The following FHL2 variants were observed in gnomAD, a reference collection of about 807,000 sequenced individuals.
FHL2 encodes four and a half LIM domains 2, also known as four and a half LIM domains protein 2.
FHL2 carries 20 observed loss-of-function variants against 32.7 expected under a neutral mutation model. The ratio of observed to expected loss-of-function variants is 0.61; its 90% CI spans 0.43 to 0.89. The LOEUF (loss-of-function observed/expected upper bound fraction) is 0.89, where lower values mean the gene tolerates loss of function less well. Ranked by LOEUF, FHL2 falls within the 40% of genes least tolerant of loss-of-function variation. The probability of loss-of-function intolerance (pLI) is 0.00; values close to 1 mark genes in which losing one functional copy is unlikely to be tolerated. For synonymous variants in FHL2, 123 were observed against 128.1 expected (o/e 0.96, Z 0.27); for missense variants, 311 against 358.6 (o/e 0.87, Z 1.07).
chr2:105,398,924 A>G lies in FHL2; in HGVS notation c.-158T>C, dbSNP rs1459755104. Reference sequence around the variant, plus strand: ...CCCCACTTCCGAGCCCTGGTGGCTAAGCCCCTCGGCCTCCCTCCGGGGCGC... The same window carrying G: ...CCCCACTTCCGAGCCCTGGTGGCTAGGCCCCTCGGCCTCCCTCCGGGGCGC... On this transcript the variant is annotated 5_prime_UTR_variant, in exon 1 of 7. Coordinates refer to ENST00000530340, the MANE Select transcript of FHL2 (RefSeq NM_001318895.3). The G allele has an allele frequency of 6.5e-7, 1 of 1,540,436 alleles. No homozygotes were observed. Among genetic ancestry groups the G allele is most frequent in the South Asian group, 1.2e-5 (1 of 81,406 alleles).
At chr2:105,364,274 CA>C (rs1162500516) in intron 5 of FHL2, among the ~76,000 whole-genome samples, 1 of 151,292 alleles carries the variant, frequency 6.6e-6, no homozygotes, top group Admixed American at 6.6e-5. Flanking sequence ...CAAAACAAAA[CA>C]AAACAAAAAC....
chr2:105,397,896 TTG>T, intron 1 of FHL2, among the ~76,000 whole-genome samples: 1 of 151,734 alleles, frequency 6.6e-6, no homozygotes, highest in Admixed American at 6.5e-5. Flanking sequence ...TTGTTTTTTT[TTG>T]TCTAAAACAT....
At chr2:105,388,580 T>C (rs922332096) in intron 2 of FHL2, among the ~76,000 whole-genome samples, 3 of 151,430 alleles carry the variant, frequency 2.0e-5, no homozygotes, top group African/African-American at 7.3e-5. Flanking sequence ...CCCAGCACTT[T>C]GGGAGGCCGA....
chr2:105,410,532 C>T (rs538590447), intron 1 of FHL2, among the ~76,000 whole-genome samples: 1 of 152,280 alleles, frequency 6.6e-6, no homozygotes, highest in South Asian at 2.1e-4. Context: ...AAGCTACCTA[C>T]TAGCAGATTT....
At chr2:105,365,108 A>G (rs1203645507) in intron 5 of FHL2, among the ~76,000 whole-genome samples, 1 of 152,052 alleles carries the variant, frequency 6.6e-6, no homozygotes, top group African/African-American at 2.4e-5. Flanking sequence ...AGCTAACTCA[A>G]TGCCTCTGAG....
intron 1 of FHL2, among the ~76,000 whole-genome samples, chr2:105,436,669 A>G (rs1164964508): frequency 6.6e-6 from 1 of 152,166 alleles, no homozygotes; most frequent in Non-Finnish European, 1.5e-5. Flanking sequence ...AAAAAAACGA[A>G]TATTAAGTTA....
chr2:105,390,350 G>A (rs1219456004), intron 2 of FHL2: 1 of 152,470 alleles, frequency 6.6e-6, no homozygotes, highest in East Asian at 1.9e-4. Flanking sequence ...TCAGTGATAT[G>A]ATGAATATCA....
chr2:105,421,713 C>T (rs1324466883), intron 1 of FHL2, among the ~76,000 whole-genome samples: 1 of 152,200 alleles, frequency 6.6e-6, no homozygotes, highest in African/African-American at 2.4e-5. Context: ...CTCAGTTATA[C>T]TATGGCTTGC....
upstream of FHL2, among the ~76,000 whole-genome samples, chr2:105,399,963 C>A (rs79329427): frequency 3.2e-3 from 487 of 152,210 alleles, 4 homozygotes; most frequent in East Asian, 0.012. Context: ...CCAGAGAAGG[C>A]GGGAAGAACT....
At chr2:105,365,854 AAAAC>A (rs1248069074) in intron 5 of FHL2, among the ~76,000 whole-genome samples, 4 of 152,094 alleles carry the variant, frequency 2.6e-5, no homozygotes, top group Non-Finnish European at 5.9e-5. Flanking sequence ...AAAAAAGAAA[AAAAC>A]AGAAGCATAA....
At chr2:105,399,361 G>C, upstream of FHL2, 1 of 1,535,982 alleles carries the variant, frequency 6.5e-7, no homozygotes, top group Non-Finnish European at 8.7e-7. Context: ...GTCTGCCCAC[G>C]CCGGGATCTC....
At position 105,396,784 on chromosome 2, in the gene FHL2, A is replaced by G. The variant is rs561419968; in HGVS notation, c.-75-87T>C. The G allele has an allele frequency of 1.9e-4, 223 of 1,160,154 alleles. No individual in the cohort carries two copies. In the East Asian group the frequency reaches 5.1e-3, roughly 27 times the overall value. The allele number at this position is 1,160,154 out of a possible 1,614,324, so 71.9% of individuals were successfully genotyped here. On this transcript the variant is annotated intron_variant, in intron 1 of 6. Transcript: ENST00000530340. ...TGCAACTTGAGATGGACACTTAATA[A>G]ATGTGGCTTTGATCAAATTCTCATA...
rs76353320 is a variant in FHL2 at position 105,411,222 on chromosome 2, G to A, written c.-24-24682C>T. On this transcript the variant is annotated intron_variant, in intron 1 of 5. Coordinates refer to the FHL2 transcript ENST00000393352. The stretch of plus-strand genomic sequence containing the variant: ...ATTAAGGCAGACTGACACCCACTGC[G>A]TCCTAAACTGTAGATGCATTAAAGG... Among the ~76,000 whole-genome samples, 1,233 of 152,188 alleles carry A rather than the reference G, an allele frequency of 8.1e-3. 16 individuals are homozygous for A. The highest frequency in any genetic ancestry group is 0.027 in the African/African-American group (1,131 of 41,510).
intron 1 of FHL2, 113 bp downstream of exon 1, chr2:105,398,729 C>T (rs1449490133): frequency 3.6e-6 from 3 of 844,490 alleles, no homozygotes; most frequent in Non-Finnish European, 3.3e-6. Flanking sequence ...GTTCGGCTCT[C>T]CTCTCCCGGG....
At chr2:105,399,157 C>T, upstream of FHL2, 1 of 1,363,000 alleles carries the variant, frequency 7.3e-7, no homozygotes, top group Non-Finnish European at 9.4e-7. Flanking sequence ...GCGCGGGGGG[C>T]GGGCGCCCCC....
intron 3 of FHL2, among the ~76,000 whole-genome samples, chr2:105,384,528 GAC>G (rs1295182357): frequency 1.3e-5 from 2 of 152,048 alleles, no homozygotes; most frequent in Non-Finnish European, 2.9e-5. Flanking sequence ...TCTTTTTTGA[GAC>G]AGAGTCTTAC....
chr2:105,367,515 A>T, intron 5 of FHL2, 55 bp downstream of exon 5: 3 of 1,541,592 alleles, frequency 1.9e-6, no homozygotes, highest in African/African-American at 1.4e-5. Flanking sequence ...ACAGACATGG[A>T]CCATGGAGGC....
At chr2:105,400,623 T>G (rs1372819957), upstream of FHL2, among the ~76,000 whole-genome samples, 4 of 152,040 alleles carry the variant, frequency 2.6e-5, no homozygotes, top group East Asian at 1.9e-4. Flanking sequence ...AAACAAGCCC[T>G]AAAATGATGA....
downstream of FHL2, chr2:105,359,055 A>G (rs1282805333): frequency 6.6e-6 from 1 of 152,164 alleles, no homozygotes; most frequent in Non-Finnish European, 1.5e-5. Context: ...TCTTCTTCCA[A>G]GTGTCTACTG....
Sources: gnomAD v4.1 joint callset for allele counts (sites outside exome capture counted in the v4.1 genomes callset) on GRCh38, gnomAD v4.1.1 for gene constraint, MANE v1.5 for transcripts, NCBI Gene and HGNC (gene_info 2026-07-23, HGNC 2026-07-21) for gene names.